LTN1: variants seen among roughly 807,000 people sequenced by gnomAD.
The protein encoded by LTN1 is listerin E3 ubiquitin protein ligase 1.
LTN1 carries 88 observed loss-of-function variants against 201.2 expected under a neutral mutation model. The observed-to-expected ratio is 0.44, with a 90% confidence interval of 0.37 to 0.52. The LOEUF (loss-of-function observed/expected upper bound fraction) is 0.52, where lower values mean the gene tolerates loss of function less well. Ranked by LOEUF, LTN1 falls within the 20% of genes least tolerant of loss-of-function variation. The pLI, the probability that LTN1 is intolerant of heterozygous loss-of-function variation, is 0.00. For synonymous variants in LTN1, 645 were observed against 713.5 expected (o/e 0.90, Z 1.53); for missense variants, 1,752 against 2,038.7 (o/e 0.86, Z 2.71).
intron 1 of LTN1, among the ~76,000 whole-genome samples, chr21:28,990,605 C>A (rs1421767248): frequency 6.6e-6 from 1 of 152,150 alleles, no homozygotes; most frequent in African/African-American, 2.4e-5. Context: ...TAATGAACAA[C>A]ACCTTAACCA....
intron 6 of LTN1, among the ~76,000 whole-genome samples, chr21:28,976,398 G>A (rs2084615288): frequency 6.6e-6 from 1 of 152,072 alleles, no homozygotes; most frequent in African/African-American, 2.4e-5. Context: ...TCAGGAGTTC[G>A]AGACCAGCTT....
In LTN1 at chr21:28,943,902, C is replaced by G; in HGVS notation, c.3985G>C (p.Glu1329Gln). The change falls in exon 23 of 30, where the codon GAA (glutamate) becomes CAA (glutamine). Residue 1329 changes from glutamate to glutamine, a missense_variant and splice_region_variant. Around this residue, in one of 3 missense-constraint regions of LTN1, gnomAD observed 1,211 missense variants for 1,312.8 expected, o/e 0.92. Transcript: ENST00000361371. Reference sequence around the variant, plus strand: ...GATGTTTCAGACACATCTTTGTTTTCTCCTAATGACAAAAAGGAAAGAAAC... The same window carrying G: ...GATGTTTCAGACACATCTTTGTTTTGTCCTAATGACAAAAAGGAAAGAAAC... ...LLPILVTVTG[E>Q]NKDVSETSFQ... is the part of the protein sequence containing the mutation. The G allele has an allele frequency of 1.3e-6, 2 of 1,594,422 alleles. No homozygotes were observed.
chr21:28,938,317 A>G (rs2776240), intron 25 of LTN1, among the ~76,000 whole-genome samples: 94,054 of 152,072 alleles, frequency 0.62, 29,968 homozygotes, highest in East Asian at 0.82. Context: ...GCATCAAAAT[A>G]TCTGCAACTT....
intron 25 of LTN1, among the ~76,000 whole-genome samples, chr21:28,939,375 G>C (rs1415106608): frequency 2.6e-5 from 4 of 152,082 alleles, no homozygotes; most frequent in Non-Finnish European, 5.9e-5. Context: ...TGCTAAGTGG[G>C]TAAATTTTAT....
intron 6 of LTN1, among the ~76,000 whole-genome samples, chr21:28,973,108 G>A (rs542562543): frequency 6.6e-6 from 1 of 152,232 alleles, no homozygotes; most frequent in African/African-American, 2.4e-5. Flanking sequence ...AGAACTTTGG[G>A]AGGCTGAGGC....
intron 11 of LTN1, among the ~76,000 whole-genome samples, chr21:28,963,144 C>G (rs2084493659): frequency 6.6e-6 from 1 of 152,194 alleles, no homozygotes; most frequent in Admixed American, 6.5e-5. Flanking sequence ...TACAGAAGAT[C>G]TAGCTAAGAT....
chr21:28,964,820 T>C, intron 11 of LTN1: 1 of 1,489,702 alleles, frequency 6.7e-7, no homozygotes. Flanking sequence ...TTGCACCCCC[T>C]GCTCTGAATC....
chr21:28,953,262 C>T lies in LTN1; in HGVS notation c.3194G>A (p.Arg1065His), dbSNP rs571410562. Residue 1065 changes from arginine to histidine, a missense_variant, in exon 17 of 30, where the codon CGT becomes CAT. Around this residue, in one of 3 missense-constraint regions of LTN1, gnomAD observed 1,211 missense variants for 1,312.8 expected, o/e 0.92. Transcript: ENST00000361371. ...QKMNITYDNL[R>H]VLGNTSGLLQ... ...AAGGCCCGACGTATTACCAAGTACACGTAAGTTATCATACGTAATATTCAT... is the reference window on the plus strand; with the variant it reads ...AAGGCCCGACGTATTACCAAGTACATGTAAGTTATCATACGTAATATTCAT... 2.4e-5 allele frequency: 38 copies of T among 1,599,438 alleles called. No individual in the cohort carries two copies. Among genetic ancestry groups the T allele is most frequent in the Non-Finnish European group, 2.7e-5 (32 of 1,176,074 alleles).
Position 28,970,547 on chromosome 21 carries a change from CT to C in LTN1, c.1175+4del. ...TTTTAAAAATCAAAAATTTAAATTA[CT>C]TACCCAGCAACTAGAGACGTGAGGA... On this transcript the variant is annotated splice_donor_region_variant and intron_variant, in intron 8 of 29. Transcript: ENST00000361371. 6.3e-7 allele frequency: 1 copy of C among 1,590,086 alleles called. No homozygotes were observed. The highest frequency in any genetic ancestry group is 1.1e-5 in the South Asian group (1 of 86,980).
At chr21:28,981,952 T>C (rs2084661911) in intron 5 of LTN1, among the ~76,000 whole-genome samples, 1 of 152,218 alleles carries the variant, frequency 6.6e-6, no homozygotes, top group Non-Finnish European at 1.5e-5. Context: ...CAGTGGCTCA[T>C]GCTTGTAATG....
At chr21:28,961,155 G>C (rs2084475886) in intron 11 of LTN1, among the ~76,000 whole-genome samples, 2 of 152,048 alleles carry the variant, frequency 1.3e-5, no homozygotes, top group Non-Finnish European at 2.9e-5. Flanking sequence ...CTTGAGAGTA[G>C]AGACTGTCTT....
rs532808799 is a variant in LTN1, at chr21:28,931,101, T to G, written c.5238+54A>C. 1.5e-3 allele frequency: 1,486 copies of G among 967,772 alleles called. 1 individual carries two copies. The highest frequency in any genetic ancestry group is 2.1e-3 in the Non-Finnish European group (1,340 of 636,540). The allele number at this position is 967,772 out of a possible 1,614,324, so 59.9% of individuals were successfully genotyped here. On this transcript the variant is annotated intron_variant, in intron 29 of 29. Coordinates refer to ENST00000361371, the MANE Select transcript of LTN1 (RefSeq NM_015565.3). The stretch of plus-strand genomic sequence containing the variant: ...TGTGTGTGTGTGTGTGTGTGTGTGT[T>G]TATGTGTATAAAATACATAAAATAT...
chr21:28,974,704 AG>A (rs1568853971), intron 6 of LTN1, among the ~76,000 whole-genome samples: 2 of 152,166 alleles, frequency 1.3e-5, no homozygotes, highest in Non-Finnish European at 2.9e-5. Context: ...TAGAAAGGAG[AG>A]GGCCACAGAA....
chr21:28,978,147 G>T (rs1165044752), intron 6 of LTN1, among the ~76,000 whole-genome samples: 1 of 152,002 alleles, frequency 6.6e-6, no homozygotes, highest in Non-Finnish European at 1.5e-5. Context: ...TCCTGCCTCA[G>T]TCTCCAAGCA....
intron 11 of LTN1, among the ~76,000 whole-genome samples, chr21:28,963,022 A>C (rs923784335): frequency 2.0e-5 from 3 of 152,230 alleles, no homozygotes; most frequent in African/African-American, 7.2e-5. Flanking sequence ...GCACAAGAAA[A>C]GACTGACGCT....
Position 28,986,163 on chromosome 21 carries a change from T to C in LTN1, c.321A>G (p.Pro107=), listed in dbSNP as rs977157791. 3 of 1,612,276 alleles carry C rather than the reference T, an allele frequency of 1.9e-6. No homozygotes were observed. Among genetic ancestry groups the C allele is most frequent in the Middle Eastern group, 3.3e-4 (2 of 6,056 alleles). ...CAAGTGAAATTTTGCAAAAAATTCT[T>C]GGCCAATATGGAAGAACTCCTTTCA... The part of the protein sequence containing the change: ...ETVKGVLPYW[P]RIFCKISLDH... The change falls in exon 3 of 30, where the codon CCA becomes CCG. Residue 107 remains proline, a synonymous_variant. Coordinates refer to ENST00000361371, the MANE Select transcript of LTN1 (RefSeq NM_015565.3). The surrounding 1 kb of genome is among the most constrained non-coding windows in gnomAD (Gnocchi z 4.1).
In LTN1 at chr21:28,947,549, CA is replaced by C; in HGVS notation, c.3401del (p.Leu1134CysfsTer47). 1.3e-6 allele frequency: 2 copies of C among 1,590,578 alleles called. No individual in the cohort carries two copies. Among genetic ancestry groups the C allele is most frequent in the Non-Finnish European group, 1.7e-6 (2 of 1,171,842 alleles). Reference protein sequence around the residue: ...LHTIQSLCPFLSKEEKKEFSA... With the variant: ...LHTIQSLCPFXSKEEKKEFSA... ...TAAATTCTTTCTTTTCTTCTTTTGA[CA>C]AAAATGGACATAGACTTTGAATGGT... is the stretch of plus-strand genomic sequence containing the variant. On this transcript the variant is annotated frameshift_variant, in exon 19 of 30. Transcript: ENST00000361371. LOFTEE classifies it high-confidence loss of function.
chr21:28,972,060 G>A (rs950587584), intron 6 of LTN1, among the ~76,000 whole-genome samples: 1 of 152,128 alleles, frequency 6.6e-6, no homozygotes, highest in Non-Finnish European at 1.5e-5. Flanking sequence ...TAAGAAGCGA[G>A]GACTCTAGGA....
intron 23 of LTN1, 101 bp from the exon 24 acceptor site, chr21:28,943,437 G>T: frequency 1.4e-6 from 1 of 732,042 alleles, no homozygotes; most frequent in Non-Finnish European, 2.3e-6. Context: ...ATGAGTAAAT[G>T]TTTTAATGAG....
Sources: gnomAD v4.1 joint callset for allele counts (sites outside exome capture counted in the v4.1 genomes callset) on GRCh38, gnomAD v4.1.1 for gene constraint, gnomAD v4.1.1 regional missense constraint, Gnocchi (gnomAD v3.1) non-coding constraint, MANE v1.5 for transcripts, NCBI Gene and HGNC (gene_info 2026-07-23, HGNC 2026-07-21) for gene names.